Variants in TBPL2 observed in about 807,000 individuals in gnomAD.
TBPL2 encodes the protein TATA box-binding protein-like 2.
TBPL2 carries 40 observed loss-of-function variants against 38.2 expected under a neutral mutation model. The ratio of observed to expected loss-of-function variants is 1.05; its 90% confidence interval spans 0.81 to 1.36. The LOEUF is 1.36. Ranked by LOEUF, TBPL2 falls within the 40% of genes most tolerant of loss-of-function variation. The pLI, the probability that TBPL2 is intolerant of heterozygous loss-of-function variation, is 0.00. For synonymous variants in TBPL2, 169 were observed against 171.7 expected, an observed-to-expected ratio of 0.98 and a Z score of 0.12; for missense variants, 461 against 456.7, an observed-to-expected ratio of 1.01 and a Z score of -0.09.
chr14:55,414,934 T>C (rs185981649), intron 6 of TBPL2, among the ~76,000 whole-genome samples: 120 of 152,338 alleles, frequency 7.9e-4, no homozygotes, highest in African/African-American at 2.8e-3. Context: ...TAAATTTTAG[T>C]GCATGGGAAG....
At position 55,422,807 on chromosome 14, in the gene TBPL2, C is replaced by A. The variant is rs142719681; in HGVS notation, c.1051+1352G>T. On this transcript the variant is annotated intron_variant, in intron 6 of 6. Coordinates refer to ENST00000247219, the Ensembl canonical transcript of TBPL2. ...GGTGGAGGTTGCAGTGAGCTGAGAT[C>A]GCGCCGCCATAGTCCAGCCTGGGCA... 7.8e-3 allele frequency among the ~76,000 whole-genome samples: 1,187 copies of A among 152,094 alleles called. 10 individuals carry two copies. The highest frequency in any genetic ancestry group is 0.022 in the African/African-American group (919 of 41,520).
intron 6 of TBPL2, among the ~76,000 whole-genome samples, chr14:55,418,110 A>C (rs8010013): frequency 0.4 from 61,266 of 152,006 alleles, 14,308 homozygotes; most frequent in East Asian, 0.58. Flanking sequence ...GGACATTGGC[A>C]TGGCTAGTCC....
intron 4 of TBPL2, among the ~76,000 whole-genome samples, chr14:55,431,826 T>C (rs1885932939): frequency 6.6e-6 from 1 of 152,226 alleles, no homozygotes; most frequent in Non-Finnish European, 1.5e-5. Context: ...CTCAGTTGTA[T>C]TAGCTGTATT....
intron 4 of TBPL2, among the ~76,000 whole-genome samples, chr14:55,432,063 G>T (rs1051978029): frequency 2.6e-5 from 4 of 151,832 alleles, no homozygotes; most frequent in Non-Finnish European, 5.9e-5. Context: ...AGAAAACAAA[G>T]AAAAAAATGG....
intron 4 of TBPL2, among the ~76,000 whole-genome samples, chr14:55,430,345 C>T (rs957891355): frequency 7.0e-6 from 1 of 142,774 alleles, no homozygotes; most frequent in Non-Finnish European, 1.5e-5. Context: ...CTTGGGTATT[C>T]GTTACTACAT....
chr14:55,430,645 C>A (rs1231500200), intron 4 of TBPL2, among the ~76,000 whole-genome samples: 1 of 152,152 alleles, frequency 6.6e-6, no homozygotes, highest in Non-Finnish European at 1.5e-5. Context: ...ACCCTCCCAA[C>A]CTCAGCCTCC....
chr14:55,436,884 T>C (rs762526330), exon 2 of TBPL2: 9 of 1,614,128 alleles, frequency 5.6e-6, no homozygotes, highest in Non-Finnish European at 7.6e-6. Flanking sequence ...GATCCACAGA[T>C]GAGAAATCAC....
At chr14:55,420,831 G>T (rs1402732555) in intron 6 of TBPL2, among the ~76,000 whole-genome samples, 3 of 151,954 alleles carry the variant, frequency 2.0e-5, no homozygotes, top group Non-Finnish European at 4.4e-5. Flanking sequence ...TGGCCGAGGC[G>T]GGTGGATCAC....
chr14:55,440,325 A>G, intron 1 of TBPL2, 71 bp downstream of exon 1: 1 of 1,572,302 alleles, frequency 6.4e-7, no homozygotes, highest in African/African-American at 1.4e-5. Context: ...AAGAGGAACG[A>G]AGGCAAAGCC....
At chr14:55,429,004 T>C (rs1885879067) in intron 4 of TBPL2, 30 bp from the exon 5 acceptor site, 6 of 1,611,376 alleles carry the variant, frequency 3.7e-6, no homozygotes, top group Non-Finnish European at 5.1e-6. Flanking sequence ...TTTAAAGATG[T>C]CTTAATCGCT....
At chr14:55,425,856 G>A (rs1566592003) in intron 5 of TBPL2, among the ~76,000 whole-genome samples, 2 of 152,150 alleles carry the variant, frequency 1.3e-5, no homozygotes, top group Non-Finnish European at 2.9e-5. Flanking sequence ...TGATCTCTAT[G>A]TGGGCAAGGG....
intron 6 of TBPL2, 22 bp from the exon 7 acceptor site, chr14:55,414,477 T>A (rs764602746): frequency 1.2e-5 from 19 of 1,531,348 alleles, no homozygotes; most frequent in Non-Finnish European, 1.7e-5. Context: ...TCCAGGTTTA[T>A]ATAATTTTTA....
intron 6 of TBPL2, among the ~76,000 whole-genome samples, chr14:55,421,074 A>G (rs979829075): frequency 2.0e-5 from 3 of 151,000 alleles, no homozygotes; most frequent in East Asian, 1.9e-4. Flanking sequence ...AAAAAAAAAA[A>G]AAAAGAAAAA....
At chr14:55,438,220 G>A (rs1886047620) in intron 1 of TBPL2, among the ~76,000 whole-genome samples, 1 of 152,286 alleles carries the variant, frequency 6.6e-6, no homozygotes, top group Admixed American at 6.5e-5. Flanking sequence ...TGCTACCTCC[G>A]CTAATGTACG....
chr14:55,434,939 A>G (rs1442565680), intron 3 of TBPL2, among the ~76,000 whole-genome samples: 1 of 152,208 alleles, frequency 6.6e-6, no homozygotes, highest in Non-Finnish European at 1.5e-5. Context: ...TGTACTCCTA[A>G]GTACAGAGCC....
chr14:55,418,359 C>A lies in TBPL2; in HGVS notation c.1052-3904G>T, dbSNP rs184664875. On this transcript the variant is annotated intron_variant, in intron 6 of 6. Transcript: ENST00000247219. The stretch of plus-strand genomic sequence containing the variant: ...CCCCTTAGTCAGCTCCAAATATCAA[C>A]CTCCAATACTACGTGGATTTTCCAG... 2.3e-3 allele frequency among the ~76,000 whole-genome samples: 355 copies of A among 152,292 alleles called. 3 individuals are homozygous for A. Among genetic ancestry groups the A allele is most frequent in the African/African-American group, 8.2e-3 (339 of 41,558 alleles).
At chr14:55,439,278 T>TA (rs34693240) in intron 1 of TBPL2, among the ~76,000 whole-genome samples, 20,387 of 133,766 alleles carry the variant, frequency 0.15, 3,465 homozygotes, top group African/African-American at 0.42. Context: ...TAATTAACTT[T>TA]AAAAAAAAAA....
intron 1 of TBPL2, 52 bp from the exon 2 acceptor site, chr14:55,437,070 GT>G (rs1566595795): frequency 1.3e-6 from 2 of 1,514,628 alleles, no homozygotes; most frequent in Admixed American, 1.7e-5. Flanking sequence ...AGAACAGCAT[GT>G]TACACAAAAG....
At chr14:55,428,053 A>G (rs538599241) in intron 5 of TBPL2, among the ~76,000 whole-genome samples, 3 of 134,186 alleles carry the variant, frequency 2.2e-5, no homozygotes, top group Admixed American at 1.5e-4. Context: ...CTTCTCCCCA[A>G]TCCATTCTCC....
Sources: allele counts gnomAD v4.1 joint callset (sites outside exome capture counted in the v4.1 genomes callset), GRCh38; gene constraint gnomAD v4.1.1; transcripts MANE v1.5; gene names NCBI Gene and HGNC (gene_info 2026-07-23, HGNC 2026-07-21).